TENM2: variants seen among roughly 807,000 people sequenced by gnomAD.
TENM2 encodes teneurin transmembrane protein 2.
TENM2 carries 52 observed loss-of-function variants against 245.2 expected under a neutral mutation model. That is an observed-to-expected ratio of 0.21 (90% CI 0.17 to 0.27). The LOEUF (loss-of-function observed/expected upper bound fraction) is 0.27, where lower values mean the gene tolerates loss of function less well. Ranked by LOEUF, TENM2 falls within the 10% of genes least tolerant of loss-of-function variation. The pLI, the probability that TENM2 is intolerant of heterozygous loss-of-function variation, is 1.00. For missense variants in TENM2, 3,046 were observed against 3,666.8 expected (o/e 0.83, Z 4.37); for synonymous variants, 1,363 against 1,438.9 (o/e 0.95, Z 1.19).
chr5:167,881,353 T>C (rs1773861293), intron 3 of TENM2, among the ~76,000 whole-genome samples: 1 of 152,210 alleles, frequency 6.6e-6, no homozygotes, highest in Admixed American at 6.5e-5. Context: ...ATGTTCTGCA[T>C]TGTAACTTCT....
At chr5:167,278,184 G>T in the TENM2 span, among the ~76,000 whole-genome samples, 1 of 152,000 alleles carries the variant, frequency 6.6e-6, no homozygotes, top group Non-Finnish European at 1.5e-5. Context: ...CACGCTTGTA[G>T]TCCCAGCTAC....
intron 6 of TENM2, among the ~76,000 whole-genome samples, chr5:168,057,697 A>G (rs1486035929): frequency 2.0e-5 from 3 of 152,204 alleles, no homozygotes; most frequent in Admixed American, 2.0e-4. Flanking sequence ...TTTTACACAA[A>G]AGGCAAATTA....
At chr5:167,593,047 C>T (rs1056519918) in intron 2 of TENM2, among the ~76,000 whole-genome samples, 1 of 152,036 alleles carries the variant, frequency 6.6e-6, no homozygotes, top group Admixed American at 6.6e-5. Flanking sequence ...CTCTTAGAAA[C>T]TCTGTGATTC....
At chr5:167,138,088 C>A in the TENM2 span, among the ~76,000 whole-genome samples, 1 of 152,194 alleles carries the variant, frequency 6.6e-6, no homozygotes, top group Non-Finnish European at 1.5e-5. Context: ...AAGGTAGGCA[C>A]AGGGAAGCAG....
At chr5:167,011,044 T>C in the TENM2 span, among the ~76,000 whole-genome samples, 4 of 152,336 alleles carry the variant, frequency 2.6e-5, no homozygotes, top group African/African-American at 9.6e-5. Flanking sequence ...TAATATACCT[T>C]GGCTAACAAA....
At chr5:167,073,024 T>C in the TENM2 span, among the ~76,000 whole-genome samples, 1 of 152,226 alleles carries the variant, frequency 6.6e-6, no homozygotes, top group African/African-American at 2.4e-5. Flanking sequence ...TAGTGTGCCA[T>C]AGTCAAAGTG....
the TENM2 span, among the ~76,000 whole-genome samples, chr5:166,998,056 A>T: frequency 1.3e-5 from 2 of 152,250 alleles, no homozygotes; most frequent in Non-Finnish European, 2.9e-5. Context: ...TGCAGAGAAG[A>T]CTTCTTAAAA....
intron 2 of TENM2, among the ~76,000 whole-genome samples, chr5:167,695,762 C>T (rs1305952334): frequency 1.1e-4 from 17 of 149,922 alleles, no homozygotes; most frequent in African/African-American, 3.7e-4. Context: ...TGGCTGGGTG[C>T]GGTGGCTCAC....
chr5:167,007,466 CA>C, the TENM2 span, among the ~76,000 whole-genome samples: 2 of 152,192 alleles, frequency 1.3e-5, no homozygotes, highest in African/African-American at 4.8e-5. This position sits in a 1 kb window ranked among gnomAD's most constrained non-coding sequence, Gnocchi z 4.2. Context: ...AGCAAAAGTA[CA>C]AAAGTATCAA....
intron 2 of TENM2, among the ~76,000 whole-genome samples, chr5:167,853,163 G>C (rs986835255): frequency 1.3e-5 from 2 of 151,024 alleles, no homozygotes; most frequent in Non-Finnish European, 3.0e-5. Flanking sequence ...GGTGGCGGGC[G>C]CCTGTAGTTC....
intron 2 of TENM2, among the ~76,000 whole-genome samples, chr5:167,701,238 A>G (rs1177954257): frequency 6.6e-6 from 1 of 152,130 alleles, no homozygotes; most frequent in Non-Finnish European, 1.5e-5. Context: ...CTCTTGCAGG[A>G]TGTGGGTTTT....
At chr5:168,110,187 G>C (rs1229711126) in intron 9 of TENM2, among the ~76,000 whole-genome samples, 1 of 151,962 alleles carries the variant, frequency 6.6e-6, no homozygotes, top group Non-Finnish European at 1.5e-5. Flanking sequence ...AAACTTTCGT[G>C]CTGGGAAATA....
intron 4 of TENM2, among the ~76,000 whole-genome samples, chr5:167,975,695 G>T (rs937153624): frequency 6.6e-6 from 1 of 152,008 alleles, no homozygotes; most frequent in Non-Finnish European, 1.5e-5. Context: ...TGTACCTATG[G>T]CTATTACACA....
At chr5:167,999,702 C>T (rs1784294656) in intron 5 of TENM2, among the ~76,000 whole-genome samples, 1 of 152,208 alleles carries the variant, frequency 6.6e-6, no homozygotes, top group Non-Finnish European at 1.5e-5. Flanking sequence ...GGGTCAGCAG[C>T]TCTCGGGAGA....
chr5:167,935,324 C>A (rs1778619418), intron 3 of TENM2, among the ~76,000 whole-genome samples: 1 of 152,184 alleles, frequency 6.6e-6, no homozygotes, highest in African/African-American at 2.4e-5. Flanking sequence ...ACATCCCTCT[C>A]TTTTCTGTGA....
At chr5:167,350,646 G>GTGGATATATATATGGGATACA (rs1554137788) in intron 1 of TENM2, among the ~76,000 whole-genome samples, 8 of 120,008 alleles carry the variant, frequency 6.7e-5, no homozygotes, top group African/African-American at 1.6e-4. Context: ...TATGGGATAC[G>GTGGATATATATATGGGATACA]TATATGGATA....
intron 12 of TENM2, among the ~76,000 whole-genome samples, chr5:168,146,286 G>A (rs1239253186): frequency 2.0e-5 from 3 of 152,030 alleles, no homozygotes; most frequent in African/African-American, 4.8e-5. Flanking sequence ...CATTAAGGGA[G>A]AGGAATTAGA....
chr5:168,169,119 G>A (rs1206538304), intron 13 of TENM2, among the ~76,000 whole-genome samples: 3 of 152,170 alleles, frequency 2.0e-5, no homozygotes, highest in Admixed American at 2.0e-4. Context: ...ATAGCAAAGG[G>A]ACTGTCACGT....
chr5:167,990,655 A>T (rs532537635), intron 4 of TENM2, among the ~76,000 whole-genome samples: 1 of 152,334 alleles, frequency 6.6e-6, no homozygotes, highest in South Asian at 2.1e-4. Flanking sequence ...ACACCATTTT[A>T]AAATGGAGCA....
Sources: allele counts gnomAD v4.1 joint callset (sites outside exome capture counted in the v4.1 genomes callset), GRCh38; gene constraint gnomAD v4.1.1; non-coding constraint Gnocchi (gnomAD v3.1); transcripts MANE v1.5; gene names NCBI Gene and HGNC (gene_info 2026-07-23, HGNC 2026-07-21).